The following WDPCP variants were observed in gnomAD, a reference collection of about 807,000 sequenced individuals.
WDPCP encodes the protein WD repeat-containing and planar cell polarity effector protein fritz homolog.
A neutral mutation model predicts 93.1 loss-of-function variants in WDPCP; 71 were observed. That is an observed-to-expected ratio of 0.76 (90% confidence interval 0.63 to 0.93). WDPCP has a LOEUF of 0.93. Among genes scored for constraint, WDPCP ranks in the 40% least tolerant of loss-of-function variants. WDPCP has a pLI of 0.00. For missense variants in WDPCP, 844 were observed against 887.4 expected, an observed-to-expected ratio of 0.95 and a Z score of 0.62; for synonymous variants, 315 against 315.0, an observed-to-expected ratio of 1.00 and a Z score of 0.00.
At chr2:63,797,447 G>A (rs1471776530) in intron 2 of WDPCP, among the ~76,000 whole-genome samples, 1 of 151,994 alleles carries the variant, frequency 6.6e-6, no homozygotes. Flanking sequence ...CAGGCCAGAG[G>A]GGAGCACACT....
intron 14 of WDPCP, among the ~76,000 whole-genome samples, chr2:63,189,886 T>A (rs1382942778): frequency 2.6e-5 from 4 of 152,218 alleles, no homozygotes; most frequent in Non-Finnish European, 4.4e-5. Flanking sequence ...TTCAGTAAGA[T>A]AAAATGAAAA....
chr2:63,324,803 A>G (rs1558470781), intron 12 of WDPCP, among the ~76,000 whole-genome samples: 1 of 152,198 alleles, frequency 6.6e-6, no homozygotes, highest in Admixed American at 6.5e-5. Context: ...GGAGTCACAA[A>G]CATCTGTTGA....
chr2:63,256,456 C>T (rs985700839), intron 14 of WDPCP, among the ~76,000 whole-genome samples: 3 of 152,234 alleles, frequency 2.0e-5, no homozygotes, highest in South Asian at 2.1e-4. Flanking sequence ...TATCAAGCAT[C>T]ATTGAGGATG....
chr2:63,437,608 T>C, intron 7 of WDPCP, 54 bp from the exon 8 acceptor site: 1 of 1,476,930 alleles, frequency 6.8e-7, no homozygotes, highest in Non-Finnish European at 9.2e-7. Context: ...GAATAGATTT[T>C]TCCACTGATA....
intron 17 of WDPCP, among the ~76,000 whole-genome samples, chr2:63,137,766 T>A (rs1274201275): frequency 6.6e-6 from 1 of 152,220 alleles, no homozygotes; most frequent in Non-Finnish European, 1.5e-5. Context: ...TTCAATTTTC[T>A]ACATATAGCT....
chr2:63,702,380 A>G (rs1004749161), intron 2 of WDPCP, among the ~76,000 whole-genome samples: 7 of 152,198 alleles, frequency 4.6e-5, no homozygotes, highest in African/African-American at 1.7e-4. Context: ...TGATCTTTAC[A>G]AATTATATAT....
chr2:63,809,179 C>T (rs1387749242), intron 2 of WDPCP, among the ~76,000 whole-genome samples: 4 of 150,630 alleles, frequency 2.7e-5, no homozygotes, highest in Non-Finnish European at 4.4e-5. Flanking sequence ...GGAGCGTCTC[C>T]GCCCGGCAGC....
At chr2:63,594,268 G>C in intron 3 of WDPCP, 1 of 641,122 alleles carries the variant, frequency 1.6e-6, no homozygotes. Flanking sequence ...GATTATGTAA[G>C]TAAATCCAGG....
rs144908573 is a variant in WDPCP, at chr2:63,247,124, A to T, written c.1915+12183T>A. Among the ~76,000 whole-genome samples the T allele has an allele frequency of 1.3e-3, 200 of 152,302 alleles. No homozygotes were observed. The Middle Eastern group carries it at 0.017, about 13-fold the overall frequency. ...ACACTTCAAAATGCCATCGAACAGG[A>T]TTCCTTCTTATCCCTAGATGACCCA... On this transcript the variant is annotated intron_variant, in intron 14 of 17. Coordinates refer to ENST00000272321, the MANE Select transcript of WDPCP (RefSeq NM_015910.7).
chr2:63,424,906 T>G (rs2105380973), intron 9 of WDPCP, among the ~76,000 whole-genome samples: 1 of 152,290 alleles, frequency 6.6e-6, no homozygotes, highest in Non-Finnish European at 1.5e-5. Context: ...GGAATGGATC[T>G]GGCGAGGGGC....
At chr2:63,305,041 C>T (rs1328913862) in intron 13 of WDPCP, among the ~76,000 whole-genome samples, 2 of 152,136 alleles carry the variant, frequency 1.3e-5, no homozygotes, top group Non-Finnish European at 2.9e-5. Context: ...AGACTGCCTC[C>T]CTAGATTCCT....
At chr2:63,338,636 G>T (rs1688628110) in intron 12 of WDPCP, among the ~76,000 whole-genome samples, 1 of 134,224 alleles carries the variant, frequency 7.5e-6, no homozygotes, top group Non-Finnish European at 1.6e-5. Flanking sequence ...AGAAAAGACT[G>T]TCCTTTCCCC....
intron 14 of WDPCP, among the ~76,000 whole-genome samples, chr2:63,196,916 C>T (rs866331647): frequency 1.3e-4 from 20 of 152,302 alleles, no homozygotes; most frequent in African/African-American, 4.6e-4. Flanking sequence ...TTCAAGACTG[C>T]TTTTGACTAC....
intron 14 of WDPCP, among the ~76,000 whole-genome samples, chr2:63,227,993 T>C (rs1678437997): frequency 6.6e-6 from 1 of 152,158 alleles, no homozygotes; most frequent in South Asian, 2.1e-4. Flanking sequence ...AGTCTTTCTT[T>C]AAATGTTACT....
chr2:63,223,404 G>A (rs111725937), intron 14 of WDPCP, among the ~76,000 whole-genome samples: 2 of 152,270 alleles, frequency 1.3e-5, no homozygotes, highest in Non-Finnish European at 2.9e-5. Flanking sequence ...GTGAAAATCT[G>A]ATTGGCACTC....
At chr2:63,459,452 G>C (rs1698858265) in intron 6 of WDPCP, among the ~76,000 whole-genome samples, 1 of 152,016 alleles carries the variant, frequency 6.6e-6, no homozygotes, top group African/African-American at 2.4e-5. Context: ...TAGACAAGAG[G>C]TATATGACTA....
chr2:63,413,519 CG>C (rs772105788), intron 9 of WDPCP, among the ~76,000 whole-genome samples: 22 of 152,182 alleles, frequency 1.4e-4, no homozygotes, highest in South Asian at 1.0e-3. Context: ...AAGATAAGGC[CG>C]GGCATGGTGG....
intron 1 of WDPCP, among the ~76,000 whole-genome samples, chr2:63,569,152 T>C (rs143894491): frequency 3.9e-5 from 6 of 152,266 alleles, no homozygotes; most frequent in African/African-American, 9.6e-5. Flanking sequence ...AAAAACAATG[T>C]TGAACAAAGA....
At chr2:63,285,538 G>A (rs992156782) in intron 13 of WDPCP, among the ~76,000 whole-genome samples, 1 of 150,318 alleles carries the variant, frequency 6.7e-6, no homozygotes, top group Non-Finnish European at 1.5e-5. Flanking sequence ...CCACTTTAAA[G>A]ACAAAGATAG....
Sources: gnomAD v4.1 joint callset for allele counts (sites outside exome capture counted in the v4.1 genomes callset) on GRCh38, gnomAD v4.1.1 for gene constraint, MANE v1.5 for transcripts, NCBI Gene and HGNC (gene_info 2026-07-23, HGNC 2026-07-21) for gene names.